The following DLG2 variants were observed in gnomAD, a reference collection of about 807,000 sequenced individuals.
The protein encoded by DLG2 is discs large MAGUK scaffold protein 2, also known as disks large homolog 2.
A neutral mutation model predicts 132.5 loss-of-function variants in DLG2; 45 were observed. That is an observed-to-expected ratio of 0.34 (90% CI 0.27 to 0.44). The LOEUF (loss-of-function observed/expected upper bound fraction) is 0.44, where lower values mean the gene tolerates loss of function less well. DLG2 is among the 20% of genes least tolerant of loss of function. The probability of loss-of-function intolerance (pLI) is 1.00; values close to 1 mark genes in which losing one functional copy is unlikely to be tolerated. For missense variants in DLG2, 1,045 were observed against 1,196.9 expected (o/e 0.87, Z 1.87); for synonymous variants, 424 against 419.6 (o/e 1.01, Z -0.13).
Position 84,712,667 on chromosome 11 carries a change from G to GA in DLG2, c.358-177937dup, listed in dbSNP as rs141848745. On this transcript the variant is annotated intron_variant, in intron 6 of 27. Transcript: ENST00000376104. ...ATATGTAAAGTAGTTTAATAAAATA[G>GA]AAAAAAAATCCACTTATTTTATAGT... Among the ~76,000 whole-genome samples, 1,366 of 151,838 alleles carry GA rather than the reference G, an allele frequency of 9.0e-3. 24 individuals carry two copies. The highest frequency in any genetic ancestry group is 0.03 in the African/African-American group (1,225 of 41,446).
At chr11:84,680,643 G>A (rs144676418) in intron 6 of DLG2, among the ~76,000 whole-genome samples, 12 of 152,302 alleles carry the variant, frequency 7.9e-5, no homozygotes, top group African/African-American at 2.6e-4. Flanking sequence ...TTTGCAGCCA[G>A]ACATATTTAG....
chr11:84,984,887 T>A (rs1418780293), intron 6 of DLG2, among the ~76,000 whole-genome samples: 1 of 151,946 alleles, frequency 6.6e-6, no homozygotes, highest in Non-Finnish European at 1.5e-5. Context: ...AAAAAAGACA[T>A]AGAGGGACAT....
intron 6 of DLG2, chr11:84,890,671 C>G (rs1366202169): frequency 6.6e-6 from 1 of 150,852 alleles, no homozygotes; most frequent in Non-Finnish European, 1.5e-5. Flanking sequence ...GCAATGACAG[C>G]CAGATCTTGA....
intron 7 of DLG2, among the ~76,000 whole-genome samples, chr11:84,517,146 G>A (rs1211360992): frequency 2.0e-5 from 3 of 146,474 alleles, no homozygotes; most frequent in African/African-American, 7.5e-5. Flanking sequence ...AGCAAAAATA[G>A]AAAAATGGGA....
chr11:84,300,856 G>A (rs2098143285), intron 7 of DLG2, among the ~76,000 whole-genome samples: 1 of 152,162 alleles, frequency 6.6e-6, no homozygotes, highest in Non-Finnish European at 1.5e-5. Flanking sequence ...CTTCAAATGG[G>A]GGAATCATAA....
chr11:85,448,530 C>G (rs1038754101), intron 3 of DLG2, among the ~76,000 whole-genome samples: 1 of 152,176 alleles, frequency 6.6e-6, no homozygotes, highest in Admixed American at 6.5e-5. Flanking sequence ...AGTATCATCA[C>G]AACCCCTTTC....
chr11:84,258,418 A>G (rs2097507715), intron 7 of DLG2, among the ~76,000 whole-genome samples: 1 of 152,220 alleles, frequency 6.6e-6, no homozygotes, highest in African/African-American at 2.4e-5. Context: ...ACAATTACAT[A>G]GTATCAAAAC....
intron 3 of DLG2, among the ~76,000 whole-genome samples, chr11:85,345,778 A>G (rs1042945075): frequency 6.6e-6 from 1 of 152,058 alleles, no homozygotes; most frequent in East Asian, 1.9e-4. Flanking sequence ...AAAAATTACC[A>G]TTGAGAATTG....
At chr11:84,861,620 A>AAAAAAAAAAAAAAAAAAT (rs2083666370) in intron 6 of DLG2, among the ~76,000 whole-genome samples, 1 of 61,382 alleles carries the variant, frequency 1.6e-5, no homozygotes. Context: ...CTACACAGCA[A>AAAAAAAAAAAAAAAAAAT]AAAAAAAAAA....
intron 6 of DLG2, among the ~76,000 whole-genome samples, chr11:85,019,217 G>C (rs2059824585): frequency 1.3e-5 from 2 of 152,160 alleles, no homozygotes. Context: ...AAGTCATAAA[G>C]AGGTATCAAA....
At chr11:83,708,736 C>A (rs1020145056) in intron 18 of DLG2, among the ~76,000 whole-genome samples, 8 of 151,772 alleles carry the variant, frequency 5.3e-5, no homozygotes, top group Admixed American at 2.0e-4. Flanking sequence ...ATTCTGCAGA[C>A]TGAAGGATCT....
In DLG2 at chr11:84,922,882, C is replaced by T. The variant is rs529903220; in HGVS notation, c.357+188779G>A. ...TACAAACAGTTAAACCTGAAGGTCA[C>T]TTCACAGCAGCGTTCCAACATGCTC... is the stretch of plus-strand genomic sequence containing the variant. On this transcript the variant is annotated intron_variant, in intron 6 of 27. Transcript: ENST00000376104. Among the ~76,000 whole-genome samples the T allele has an allele frequency of 2.0e-5, 3 of 151,168 alleles. No homozygotes were observed. In the East Asian group the frequency reaches 5.9e-4, roughly 30 times the overall value.
intron 6 of DLG2, among the ~76,000 whole-genome samples, chr11:84,556,609 T>G: frequency 6.6e-6 from 1 of 152,348 alleles, no homozygotes; most frequent in East Asian, 1.9e-4. Context: ...GAAGCTGTCC[T>G]GGGCCACATG....
chr11:85,562,410 A>G (rs550174694), intron 3 of DLG2, among the ~76,000 whole-genome samples: 58 of 151,926 alleles, frequency 3.8e-4, no homozygotes, highest in African/African-American at 1.3e-3. Flanking sequence ...GATTTTAGCC[A>G]GAAAATTTGC....
chr11:83,648,403 C>T (rs1424617103), intron 18 of DLG2, among the ~76,000 whole-genome samples: 1 of 152,090 alleles, frequency 6.6e-6, no homozygotes, highest in Non-Finnish European at 1.5e-5. Context: ...CCTCTTCTGC[C>T]TCTGAAGAGG....
At chr11:85,139,333 G>C (rs1029842382) in intron 5 of DLG2, among the ~76,000 whole-genome samples, 1 of 151,992 alleles carries the variant, frequency 6.6e-6, no homozygotes, top group Non-Finnish European at 1.5e-5. Flanking sequence ...GCATCACATG[G>C]AAACTCTTTA....
intron 6 of DLG2, among the ~76,000 whole-genome samples, chr11:84,746,440 G>T (rs2065375368): frequency 9.2e-6 from 1 of 109,134 alleles, no homozygotes; most frequent in South Asian, 2.8e-4. Flanking sequence ...GTTTAGACTT[G>T]ATTAAAAAAA....
intron 18 of DLG2, chr11:83,725,117 C>T (rs1205095697): frequency 1.1e-5 from 6 of 536,842 alleles, no homozygotes; most frequent in Middle Eastern, 3.8e-4. Context: ...ATTATTTTCT[C>T]CGTTTTAAAC....
At chr11:84,449,587 G>C (rs1240963263) in intron 7 of DLG2, among the ~76,000 whole-genome samples, 1 of 151,550 alleles carries the variant, frequency 6.6e-6, no homozygotes, top group Non-Finnish European at 1.5e-5. Flanking sequence ...AAAGTGCCTT[G>C]ACTTTAAGAT....
Sources: gnomAD v4.1 joint callset for allele counts (sites outside exome capture counted in the v4.1 genomes callset) on GRCh38, gnomAD v4.1.1 for gene constraint, MANE v1.5 for transcripts, NCBI Gene and HGNC (gene_info 2026-07-23, HGNC 2026-07-21) for gene names.